Variants in MME observed in about 807,000 individuals in gnomAD.
The protein encoded by MME is neprilysin.
MME carries 98 observed loss-of-function variants against 113.2 expected under a neutral mutation model. The observed-to-expected ratio is 0.87, with a 90% CI of 0.74 to 1.02. The LOEUF (loss-of-function observed/expected upper bound fraction) is 1.02. Among genes scored for constraint, MME ranks in the 50% least tolerant of loss-of-function variants. The probability of loss-of-function intolerance (pLI) is 0.00; values close to 1 mark genes in which losing one functional copy is unlikely to be tolerated. For missense variants in MME, 836 were observed against 896.0 expected (o/e 0.93, Z 0.86); for synonymous variants, 292 against 300.6 (o/e 0.97, Z 0.30).
At chr3:155,086,881 T>G (rs2108175554) in intron 3 of MME, among the ~76,000 whole-genome samples, 1 of 152,310 alleles carries the variant, frequency 6.6e-6, no homozygotes, top group Non-Finnish European at 1.5e-5. Context: ...CACAGCTTAC[T>G]GCAGCCTTGA....
chr3:155,071,109 A>G (rs1714535428), intron 1 of MME, among the ~76,000 whole-genome samples: 1 of 152,218 alleles, frequency 6.6e-6, no homozygotes, highest in Non-Finnish European at 1.5e-5. Flanking sequence ...AATTGGTTCC[A>G]GGCTTGTGAA....
chr3:155,114,489 G>A lies in MME; in HGVS notation c.197-505G>A, dbSNP rs61763246. 1.8e-3 allele frequency among the ~76,000 whole-genome samples: 278 copies of A among 152,244 alleles called. 1 individual carries two copies. Among genetic ancestry groups the A allele is most frequent in the Non-Finnish European group, 3.1e-3 (212 of 68,006 alleles). The stretch of plus-strand genomic sequence containing the variant: ...TGAATTACAAAATTTATTTGAGCAA[G>A]GTCCAGGAAGTAATAACAGTGTCTT... On this transcript the variant is annotated intron_variant, in intron 3 of 22. Transcript: ENST00000360490.
At chr3:155,136,879 A>C (rs959624322) in intron 8 of MME, among the ~76,000 whole-genome samples, 7 of 152,214 alleles carry the variant, frequency 4.6e-5, no homozygotes, top group Non-Finnish European at 1.0e-4. Flanking sequence ...TCTTTGAAGC[A>C]TAGAAATCTC....
At chr3:155,125,286 T>A (rs1719537322) in intron 8 of MME, among the ~76,000 whole-genome samples, 1 of 113,724 alleles carries the variant, frequency 8.8e-6, no homozygotes, top group African/African-American at 2.8e-5. Flanking sequence ...TCACGCACGG[T>A]GCGTGCACCC....
chr3:155,151,490 A>G (rs1427840884), intron 16 of MME, among the ~76,000 whole-genome samples: 1 of 152,200 alleles, frequency 6.6e-6, no homozygotes. Context: ...TTCTATCATC[A>G]TCATGTCAGC....
intron 20 of MME, among the ~76,000 whole-genome samples, chr3:155,170,047 T>A (rs1711747227): frequency 6.6e-6 from 1 of 152,124 alleles, no homozygotes; most frequent in African/African-American, 2.4e-5. Context: ...ACATTATGCA[T>A]TTTACCTCTT....
At chr3:155,170,638 C>T (rs1045565839) in intron 20 of MME, among the ~76,000 whole-genome samples, 9 of 152,190 alleles carry the variant, frequency 5.9e-5, no homozygotes, top group Admixed American at 1.3e-4. Flanking sequence ...GGGTATTTTG[C>T]TCACACACAT....
intron 16 of MME, among the ~76,000 whole-genome samples, chr3:155,155,006 A>C (rs1205506428): frequency 2.0e-5 from 3 of 152,226 alleles, no homozygotes; most frequent in Non-Finnish European, 2.9e-5. Context: ...ATGTTGTAAC[A>C]GATGAAAATT....
chr3:155,071,765 C>T (rs1364001032), intron 1 of MME, among the ~76,000 whole-genome samples: 1 of 152,208 alleles, frequency 6.6e-6, no homozygotes, highest in African/African-American at 2.4e-5. Flanking sequence ...ATTCTTTCTA[C>T]TTTACTTTCA....
intron 1 of MME, among the ~76,000 whole-genome samples, chr3:155,070,530 A>T (rs944272421): frequency 2.0e-5 from 3 of 152,194 alleles, no homozygotes; most frequent in Admixed American, 6.5e-5. Context: ...GATGAAAAGG[A>T]TTAAGAATGA....
intron 3 of MME, among the ~76,000 whole-genome samples, chr3:155,104,249 C>T (rs1014356784): frequency 6.6e-6 from 1 of 152,086 alleles, no homozygotes; most frequent in Non-Finnish European, 1.5e-5. Context: ...TCAGTCTTTT[C>T]ATGCTTCACA....
In MME at chr3:155,096,361, G is replaced by A. The variant is rs56020308; in HGVS notation, c.196+11267G>A. ...ACATTTTGGTGCCCCTGGTGTGTGAGAGAGCTTGGCAATATTGAGAAACTG... is the reference window on the plus strand; with the variant it reads ...ACATTTTGGTGCCCCTGGTGTGTGAAAGAGCTTGGCAATATTGAGAAACTG... On this transcript the variant is annotated intron_variant, in intron 3 of 22. Transcript: ENST00000360490. Among the ~76,000 whole-genome samples the A allele has an allele frequency of 3.1e-3, 479 of 152,314 alleles. 4 individuals carry two copies. The highest frequency in any genetic ancestry group is 0.011 in the African/African-American group (453 of 41,582).
chr3:155,163,643 T>C (rs1290403526), intron 17 of MME, among the ~76,000 whole-genome samples: 3 of 152,220 alleles, frequency 2.0e-5, no homozygotes, highest in Non-Finnish European at 4.4e-5. Context: ...TTCTCCTTTT[T>C]CATTAAAATT....
chr3:155,106,564 G>C (rs1717706533), intron 3 of MME, among the ~76,000 whole-genome samples: 1 of 152,106 alleles, frequency 6.6e-6, no homozygotes, highest in Non-Finnish European at 1.5e-5. Flanking sequence ...TCACATTGCT[G>C]CCTTTTGAAT....
chr3:155,107,550 C>T (rs1717793661), intron 3 of MME, among the ~76,000 whole-genome samples: 1 of 151,948 alleles, frequency 6.6e-6, no homozygotes, highest in Non-Finnish European at 1.5e-5. Context: ...ATTTTCTTTC[C>T]TGTTTTGTAC....
rs763381311 is a variant in MME at position 155,144,365 on chromosome 3, G to A, written c.1324G>A (p.Asp442Asn). 2 of 1,609,956 alleles carry A rather than the reference G, an allele frequency of 1.2e-6. No homozygotes were observed. The highest frequency in any genetic ancestry group is 1.7e-6 in the Non-Finnish European group (2 of 1,176,566). ...TCTTCTGTTCTGATTTGAGGTCGAG[G>A]ATTTGATTGCACAGATCCGAGAAGT... Reference protein sequence around the residue: ...FAGESKHVVEDLIAQIREVFI... With the variant: ...FAGESKHVVENLIAQIREVFI... The change falls in exon 14 of 23, where the codon GAT (aspartate) becomes AAT (asparagine). Residue 442 changes from aspartate to asparagine, a missense_variant. Coordinates refer to ENST00000360490, the MANE Select transcript of MME (RefSeq NM_007289.4).
Position 155,140,244 on chromosome 3 carries a change from G to A in MME, c.909G>A (p.Met303Ile). The change falls in exon 10 of 23, where the codon ATG (methionine) becomes ATA (isoleucine). Residue 303 changes from methionine (M) to isoleucine (I), a missense_variant. Physicochemically the swap from Met to Ile is conservative, Grantham distance 10. Coordinates refer to ENST00000360490, the MANE Select transcript of MME (RefSeq NM_007289.4). ...ATCCAATGCTTCTGTATAACAAGAT[G>A]ACATTGGCCCAGATCCAAAATAACT... ...RNDPMLLYNK[M>I]TLAQIQNNFS... 6.2e-7 allele frequency: 1 copy of A among 1,612,908 alleles called. No homozygotes were observed. The highest frequency in any genetic ancestry group is 8.5e-7 in the Non-Finnish European group (1 of 1,179,348).
At chr3:155,129,780 A>T (rs1343175834) in intron 8 of MME, among the ~76,000 whole-genome samples, 2 of 152,234 alleles carry the variant, frequency 1.3e-5, no homozygotes, top group Non-Finnish European at 2.9e-5. Flanking sequence ...AGACAATTCT[A>T]TTCCTTACAG....
chr3:155,124,721 T>G (rs1719456720), intron 8 of MME, among the ~76,000 whole-genome samples: 1 of 151,678 alleles, frequency 6.6e-6, no homozygotes, highest in Non-Finnish European at 1.5e-5. Flanking sequence ...GCCTCCCAGT[T>G]AGGCTGCTCG....
Sources: gnomAD v4.1 joint callset for allele counts (sites outside exome capture counted in the v4.1 genomes callset) on GRCh38, gnomAD v4.1.1 for gene constraint, MANE v1.5 for transcripts, NCBI Gene and HGNC (gene_info 2026-07-23, HGNC 2026-07-21) for gene names.